PDIA2: variants seen among roughly 807,000 people sequenced by gnomAD.
PDIA2 encodes the protein protein disulfide isomerase family A member 2.
Under a neutral mutation model 51.1 loss-of-function variants are expected in PDIA2, and 76 were observed. The ratio of observed to expected loss-of-function variants is 1.49; its 90% CI spans 1.24 to 1.80. The LOEUF (loss-of-function observed/expected upper bound fraction) is 1.80. PDIA2 is among the 40% of genes most tolerant of loss of function. The probability of loss-of-function intolerance (pLI) is 0.00; values close to 1 mark genes in which losing one functional copy is unlikely to be tolerated. For synonymous variants in PDIA2, 429 were observed against 309.9 expected (o/e 1.38, Z -4.04); for missense variants, 946 against 706.5 (o/e 1.34, Z -3.84).
In PDIA2 at chr16:286,571, C is replaced by T. The variant is rs765036253; in HGVS notation, c.1258C>T (p.His420Tyr). Residue 420 changes from histidine to tyrosine, a missense_variant, in exon 9 of 11, where the codon CAC (histidine) becomes TAC (tyrosine). Physicochemically the swap from His to Tyr is moderately conservative, Grantham distance 83 (BLOSUM62 2). Coordinates refer to ENST00000219406, the MANE Select transcript of PDIA2 (RefSeq NM_006849.4). The stretch of plus-strand genomic sequence containing the variant: ...CATCCTAGATGCCCCGTGGTGCACC[C>T]ACTGCAAGGAGATGGCCCCTGCCTG... ...FVKFYAPWCT[H>Y]CKEMAPAWEA... 1.9e-6 allele frequency: 3 copies of T among 1,612,876 alleles called. No individual in the cohort carries two copies. The highest frequency in any genetic ancestry group is 2.5e-6 in the Non-Finnish European group (3 of 1,179,942).
Position 286,681 on chromosome 16 carries a change from CG to C in PDIA2, c.1369del (p.Ala457LeufsTer19). The C allele has an allele frequency of 1.2e-6, 2 of 1,612,436 alleles. No homozygotes were observed. Among genetic ancestry groups the C allele is most frequent in the Non-Finnish European group, 1.7e-6 (2 of 1,179,974 alleles). ...DATANELDAF[A>X]VHGFPTLKYF... ...CCACGGCCAACGAGCTGGATGCCTTCGCTGTGCACGGCTTCCCTACTCTCAA... is the reference window on the plus strand; with the variant it reads ...CCACGGCCAACGAGCTGGATGCCTTCCTGTGCACGGCTTCCCTACTCTCAA... On this transcript the variant is annotated frameshift_variant, in exon 9 of 11. Transcript: ENST00000219406. LOFTEE classifies it high-confidence loss of function.
Position 285,874 on chromosome 16 carries a change from G to A in PDIA2, c.1119+171G>A, listed in dbSNP as rs552256958. Among the ~76,000 whole-genome samples the A allele has an allele frequency of 1.7e-4, 14 of 82,850 alleles. No homozygotes were observed. The South Asian group carries it at 2.4e-3, about 14-fold the overall frequency. 54.4% of individuals were successfully genotyped at this position (82,850 alleles called of 152,430 possible). A position where few individuals can be genotyped will look rare whatever the true frequency, so the allele number is the denominator to read the frequency against. ...GCGGTTCTCCCAACCCCAACCCGGC[G>A]GTTCTCCCAACCCCAAACCCGCGGT... On this transcript the variant is annotated intron_variant, in intron 7 of 10. Transcript: ENST00000219406.
rs1345419690 is a variant in PDIA2 at position 285,909 on chromosome 16, C to CCCAACCCCAACCCCAACCCCAACA, written c.1119+214_1119+215insAACCCCAACCCCAACACCAACCCC. On this transcript the variant is annotated intron_variant, in intron 7 of 10. Transcript: ENST00000219406. ...ACCCCAAACCCGCGGTTCTCCCAACCCCAACCCCGCGGTTCTCCCAACCCC... is the reference window on the plus strand; with the variant it reads ...ACCCCAAACCCGCGGTTCTCCCAACCCCAACCCCAACCCCAACCCCAACACCAACCCCGCGGTTCTCCCAACCCC... Among the ~76,000 whole-genome samples, 163 of 95,392 alleles carry CCCAACCCCAACCCCAACCCCAACA rather than the reference C, an allele frequency of 1.7e-3. 4 individuals carry two copies. Among genetic ancestry groups the CCCAACCCCAACCCCAACCCCAACA allele is most frequent in the African/African-American group, 8.1e-3 (149 of 18,376 alleles). The allele number at this position is 95,392 out of a possible 152,430, so 62.6% of individuals were successfully genotyped here.
rs1314949423 is a variant in PDIA2, at chr16:286,949, G to C, written c.1533+4G>C. ...GGAGCCAGCAGCCCCGTTCCCGGTG[G>C]GTGTCCCTAAGCCAGGGCTCCAGGC... On this transcript the variant is annotated splice_donor_region_variant and intron_variant, in intron 10 of 10. Coordinates refer to ENST00000219406, the MANE Select transcript of PDIA2 (RefSeq NM_006849.4). 6.2e-7 allele frequency: 1 copy of C among 1,601,204 alleles called. No individual in the cohort carries two copies. The highest frequency in any genetic ancestry group is 8.5e-7 in the Non-Finnish European group (1 of 1,175,032).
chr16:285,680 G>A lies in PDIA2; in HGVS notation c.1096G>A (p.Ala366Thr). 2 of 1,613,102 alleles carry A rather than the reference G, an allele frequency of 1.2e-6. No homozygotes were observed. The highest frequency in any genetic ancestry group is 1.7e-6 in the Non-Finnish European group (2 of 1,179,920). Residue 366 changes from alanine (A) to threonine (T), a missense_variant, in exon 7 of 11, where the codon GCA becomes ACA. Physicochemically the swap from Ala to Thr is moderately conservative, Grantham distance 58. Coordinates refer to ENST00000219406, the MANE Select transcript of PDIA2 (RefSeq NM_006849.4). The part of the protein sequence containing the change: ...TAASITAFCH[A>T]VLNGQVKPYL... ...AGCGTCCATCACTGCTTTCTGCCAT[G>A]CAGTCCTCAACGGCCAAGTCAAGGT... is the stretch of plus-strand genomic sequence containing the variant.
intron 3 of PDIA2, 22 bp from the exon 4 acceptor site, chr16:284,856 C>T (rs1596941901): frequency 1.2e-6 from 2 of 1,610,074 alleles, no homozygotes; most frequent in Non-Finnish European, 1.7e-6. Flanking sequence ...ACCGGGTGGC[C>T]TCACAGGGCC....
chr16:283,312 G>A lies in PDIA2; in HGVS notation c.143G>A (p.Ser48Asn). 2 of 1,606,920 alleles carry A rather than the reference G, an allele frequency of 1.2e-6. No individual in the cohort carries two copies. The highest frequency in any genetic ancestry group is 1.3e-5 in the African/African-American group (1 of 74,398). The change falls in exon 1 of 11, where the codon AGC becomes AAC. Residue 48 changes from serine (S) to asparagine (N), a missense_variant. Physicochemically the swap from Ser to Asn is conservative, Grantham distance 46. Coordinates refer to ENST00000219406, the MANE Select transcript of PDIA2 (RefSeq NM_006849.4). ...IPKEDGILVL[S>N]RHTLGLALRE... ...AAGGAGGATGGGATCTTGGTGCTGA[G>A]CCGCCACACCCTGGGCCTGGCCCTG... is the stretch of plus-strand genomic sequence containing the variant.
At chr16:286,318 A>ACC in intron 7 of PDIA2, 35 bp from the exon 8 acceptor site, 1 of 1,405,280 alleles carries the variant, frequency 7.1e-7, no homozygotes, top group Non-Finnish European at 9.4e-7. Flanking sequence ...CCTGCAGAGG[A>ACC]CCCCTGGCAA....
Position 284,445 on chromosome 16 carries a change from C to G in PDIA2, c.258C>G (p.Ala86=), listed in dbSNP as rs770860486. The change falls in exon 2 of 11, where the codon GCC becomes GCG. Residue 86 remains alanine, a synonymous_variant. Coordinates refer to ENST00000219406, the MANE Select transcript of PDIA2 (RefSeq NM_006849.4). ...ALAPEYSKAA[A]VLAAESMVVT... is the part of the protein sequence containing the mutation. ...CCCCCGAGTACAGCAAGGCAGCTGCCGTGCTCGCGGCCGAGTCAATGGTGG... is the reference window on the plus strand; with the variant it reads ...CCCCCGAGTACAGCAAGGCAGCTGCGGTGCTCGCGGCCGAGTCAATGGTGG... The G allele has an allele frequency of 3.1e-6, 5 of 1,595,134 alleles. No individual in the cohort carries two copies. Among genetic ancestry groups the G allele is most frequent in the Non-Finnish European group, 3.4e-6 (4 of 1,172,716 alleles).
chr16:286,862 C>A lies in PDIA2; in HGVS notation c.1450C>A (p.Leu484Met), dbSNP rs1276718054. The stretch of plus-strand genomic sequence containing the variant: ...GATTGAATACAAAAGCACCAGGGAC[C>A]TGGAGACTTTCTCCAAGTTCCTGGA... ...KVIEYKSTRD[L>M]ETFSKFLDNG... Residue 484 changes from leucine (L) to methionine (M), a missense_variant, in exon 10 of 11, where the codon CTG becomes ATG. Physicochemically the swap from Leu to Met is conservative, Grantham distance 15. Coordinates refer to ENST00000219406, the MANE Select transcript of PDIA2 (RefSeq NM_006849.4). 1 of 1,608,728 alleles carries A rather than the reference C, an allele frequency of 6.2e-7. No individual in the cohort carries two copies. Among genetic ancestry groups the A allele is most frequent in the South Asian group, 1.1e-5 (1 of 90,610 alleles).
rs367811188 is a variant in PDIA2 at position 286,724 on chromosome 16, C to T, written c.1411C>T (p.Pro471Ser). The stretch of plus-strand genomic sequence containing the variant: ...TACTCTCAAGTACTTCCCAGCAGGG[C>T]CAGGTCGGAAGGTATGGCGGACAGG... ...FPTLKYFPAGPGRKVIEYKST... is the reference protein window; with the variant it reads ...FPTLKYFPAGSGRKVIEYKST... The change falls in exon 9 of 11, where the codon CCA becomes TCA. Residue 471 changes from proline (P) to serine (S), a missense_variant. Transcript: ENST00000219406. The T allele has an allele frequency of 6.2e-7, 1 of 1,612,860 alleles. No individual in the cohort carries two copies. Among genetic ancestry groups the T allele is most frequent in the African/African-American group, 1.3e-5 (1 of 75,068 alleles).
chr16:284,854 G>A (rs1482242878), intron 3 of PDIA2, 24 bp from the exon 4 acceptor site: 2 of 1,609,700 alleles, frequency 1.2e-6, no homozygotes, highest in South Asian at 1.1e-5. Context: ...GGACCGGGTG[G>A]CCTCACAGGG....
At chr16:284,053 A>G in intron 1 of PDIA2, 2 of 382,632 alleles carry the variant, frequency 5.2e-6, no homozygotes, top group Non-Finnish European at 5.0e-6. Flanking sequence ...TTTTTAGTAG[A>G]GATGGGGTTT....
chr16:284,663 A>G lies in PDIA2; in HGVS notation c.411A>G (p.Pro137=). Reference sequence around the variant, plus strand: ...GCTGAGGGGGACTCCCTGCAGGACCACGGGACGCTGAGGGCATTGCCGAGT... The same window carrying G: ...GCTGAGGGGGACTCCCTGCAGGACCGCGGGACGCTGAGGGCATTGCCGAGT... ...NRTHPEEYTG[P]RDAEGIAEWL... The change falls in exon 3 of 11, where the codon CCA becomes CCG. Residue 137 remains proline (P), a synonymous_variant. Transcript: ENST00000219406. 1 of 1,595,456 alleles carries G rather than the reference A, an allele frequency of 6.3e-7. No individual in the cohort carries two copies. Among genetic ancestry groups the G allele is most frequent in the South Asian group, 1.1e-5 (1 of 89,820 alleles).
chr16:285,975 C>T (rs1247769372), intron 7 of PDIA2, among the ~76,000 whole-genome samples: 4 of 77,696 alleles, frequency 5.1e-5, no homozygotes, highest in East Asian at 2.7e-4. Context: ...CTCCCAACCC[C>T]GCGGTTCTCC....
At chr16:285,250 C>T (rs770595987) in intron 5 of PDIA2, 50 bp downstream of exon 5, 3 of 1,612,240 alleles carry the variant, frequency 1.9e-6, no homozygotes, top group Non-Finnish European at 1.7e-6. Context: ...GTAGAGTCGT[C>T]CAGGGATGGG....
In PDIA2 at chr16:286,459, TGTTTGTCAA is replaced by T. The variant is rs772869595; in HGVS notation, c.1230_1238del (p.Val411_Phe413del). ...GTGGCTTTTGACGAAACCAAGAATG[TGTTTGTCAA>T]GTTCTGTGAGTGTTGAGGGAGGCAG... On this transcript the variant is annotated inframe_deletion, in exon 8 of 11. Coordinates refer to ENST00000219406, the MANE Select transcript of PDIA2 (RefSeq NM_006849.4). 25 of 1,612,874 alleles carry T rather than the reference TGTTTGTCAA, an allele frequency of 1.6e-5. No individual in the cohort carries two copies. Among genetic ancestry groups the T allele is most frequent in the Non-Finnish European group, 2.0e-5 (24 of 1,179,834 alleles).
At position 286,598 on chromosome 16, in the gene PDIA2, G is replaced by GA. The variant is rs2052384350; in HGVS notation, c.1286dup (p.Ala430GlyfsTer4). 1 of 1,612,796 alleles carries GA rather than the reference G, an allele frequency of 6.2e-7. No individual in the cohort carries two copies. The highest frequency in any genetic ancestry group is 8.5e-7 in the Non-Finnish European group (1 of 1,179,988). ...CTGCAAGGAGATGGCCCCTGCCTGG[G>GA]AGGCATTGGCTGAGAAGTACCAAGA... On this transcript the variant is annotated frameshift_variant, in exon 9 of 11. Transcript: ENST00000219406. LOFTEE classifies it high-confidence loss of function.
rs2052381597 is a variant in PDIA2 at position 286,485 on chromosome 16, G to A, written c.1240+12G>A. Reference sequence around the variant, plus strand: ...GTTTGTCAAGTTCTGTGAGTGTTGAGGGAGGCAGGGGTGGTGTGGGCTGGG... The same window carrying A: ...GTTTGTCAAGTTCTGTGAGTGTTGAAGGAGGCAGGGGTGGTGTGGGCTGGG... On this transcript the variant is annotated intron_variant, in intron 8 of 10. Transcript: ENST00000219406. The A allele has an allele frequency of 3.7e-6, 6 of 1,613,066 alleles. No individual in the cohort carries two copies. Among genetic ancestry groups the A allele is most frequent in the African/African-American group, 2.7e-5 (2 of 74,880 alleles).
Sources: gnomAD v4.1 joint callset for allele counts (sites outside exome capture counted in the v4.1 genomes callset) on GRCh38, gnomAD v4.1.1 for gene constraint, MANE v1.5 for transcripts, NCBI Gene and HGNC (gene_info 2026-07-23, HGNC 2026-07-21) for gene names.